Variants in AHCTF1 observed in about 807,000 individuals in gnomAD.
The protein encoded by AHCTF1 is AT-hook containing transcription factor 1, also known as protein ELYS.
In AHCTF1, 24 loss-of-function variants were observed where a neutral mutation model predicts 248.4. The ratio of observed to expected loss-of-function variants is 0.10; its 90% CI spans 0.07 to 0.14. The LOEUF is 0.14. Ranked by LOEUF, AHCTF1 falls within the 10% of genes least tolerant of loss-of-function variation. The pLI, the probability that AHCTF1 is intolerant of heterozygous loss-of-function variation, is 1.00. For missense variants in AHCTF1, 2,206 were observed against 2,636.2 expected (o/e 0.84, Z 3.57); for synonymous variants, 786 against 929.8 (o/e 0.85, Z 2.81).
At chr1:246,903,797 C>G in intron 7 of AHCTF1, 152 bp downstream of exon 7, 1 of 603,396 alleles carries the variant, frequency 1.7e-6, no homozygotes, top group Admixed American at 3.1e-5. Flanking sequence ...AAGATTGCAC[C>G]ACTGCACTCC....
At position 246,855,803 on chromosome 1, in the gene AHCTF1, C is replaced by T; in HGVS notation, c.4281G>A (p.Lys1427=). 6.2e-7 allele frequency: 1 copy of T among 1,613,014 alleles called. No individual in the cohort carries two copies. Among genetic ancestry groups the T allele is most frequent in the Non-Finnish European group, 8.5e-7 (1 of 1,179,514 alleles). ...TTAATCCTTCGTCCAACACTGGTACCTTGGACTTCTGGGTGAAGATTTTCC... is the reference window on the plus strand; with the variant it reads ...TTAATCCTTCGTCCAACACTGGTACTTTGGACTTCTGGGTGAAGATTTTCC... The part of the protein sequence containing the change: ...YEGKIFTQKS[K]VPVLDEGLTS... The change falls in exon 31 of 36, where the codon AAG becomes AAA. Residue 1427 remains lysine, a synonymous_variant. Transcript: ENST00000648844.
At position 246,850,690 on chromosome 1, in the gene AHCTF1, G is replaced by A. The variant is rs754779208; in HGVS notation, c.5316C>T (p.Val1772=). ...CTTTTGCCTTCCTAGTTTTCTTCCTGACTGACTGCCCTGGCATCTTAGGAG... is the reference window on the plus strand; with the variant it reads ...CTTTTGCCTTCCTAGTTTTCTTCCTAACTGACTGCCCTGGCATCTTAGGAG... The part of the protein sequence containing the change: ...VATPKMPGQS[V]RKKTRKAKEI... Residue 1772 remains valine, a synonymous_variant, in exon 33 of 36, where the codon GTC becomes GTT. Transcript: ENST00000648844. 11 of 1,613,814 alleles carry A rather than the reference G, an allele frequency of 6.8e-6. No individual in the cohort carries two copies. In the East Asian group the frequency reaches 2.5e-4, roughly 36 times the overall value.
At chr1:246,885,820 G>C (rs1403149967) in intron 20 of AHCTF1, 140 bp from the exon 21 acceptor site, 7 of 776,238 alleles carry the variant, frequency 9.0e-6, no homozygotes, top group Non-Finnish European at 1.4e-5. Context: ...TTTAATCTGT[G>C]CTATATAGAG....
chr1:246,874,002 C>T (rs929421158), intron 24 of AHCTF1, among the ~76,000 whole-genome samples: 1 of 152,308 alleles, frequency 6.6e-6, no homozygotes, highest in South Asian at 2.1e-4. Flanking sequence ...TACCCGCTTG[C>T]TGCTTCTGAC....
At chr1:246,881,969 C>T (rs1278736616) in intron 21 of AHCTF1, among the ~76,000 whole-genome samples, 4 of 150,502 alleles carry the variant, frequency 2.7e-5, no homozygotes, top group African/African-American at 7.3e-5. Flanking sequence ...CATGAGCCAC[C>T]GTGCCTGGCC....
chr1:246,877,045 C>T lies in AHCTF1; in HGVS notation c.2842G>A (p.Val948Ile), dbSNP rs200701729. Reference sequence around the variant, plus strand: ...ACTAAAAGGAATTCATGATTCTGAACGCTGGCACTGGACTGCAAAAATTTC... The same window carrying T: ...ACTAAAAGGAATTCATGATTCTGAATGCTGGCACTGGACTGCAAAAATTTC... The part of the protein sequence containing the change: ...LVKFLQSSAS[V>I]QNHEFLLVHH... Residue 948 changes from valine (V) to isoleucine (I), a missense_variant, in exon 23 of 36, where the codon GTT becomes ATT. Val to Ile is a conservative substitution (Grantham distance 29, BLOSUM62 3). Coordinates refer to ENST00000648844, the MANE Select transcript of AHCTF1 (RefSeq NM_001323342.2). 133 of 1,612,034 alleles carry T rather than the reference C, an allele frequency of 8.3e-5. 1 individual carries two copies. Among genetic ancestry groups the T allele is most frequent in the African/African-American group, 8.0e-5 (6 of 74,852 alleles).
At chr1:246,899,378 C>T in intron 11 of AHCTF1, 73 bp downstream of exon 11, 1 of 1,309,084 alleles carries the variant, frequency 7.6e-7, no homozygotes, top group African/African-American at 1.5e-5. Flanking sequence ...CTAAGTAAAA[C>T]TTAAATCCAT....
chr1:246,897,185 C>T (rs376196185), intron 12 of AHCTF1, among the ~76,000 whole-genome samples: 20 of 152,036 alleles, frequency 1.3e-4, no homozygotes, highest in African/African-American at 4.3e-4. Context: ...TGGTGGCACA[C>T]GCCTCTAGTT....
intron 7 of AHCTF1, 98 bp downstream of exon 7, chr1:246,903,851 A>C (rs1665191571): frequency 9.5e-7 from 1 of 1,051,816 alleles, no homozygotes. Flanking sequence ...AAAAAAAAAA[A>C]AAAGAATCAC....
chr1:246,920,928 A>C (rs969806824), intron 1 of AHCTF1, among the ~76,000 whole-genome samples: 1 of 150,982 alleles, frequency 6.6e-6, no homozygotes, highest in Non-Finnish European at 1.5e-5. Context: ...TCTACTAATA[A>C]TACCAAAAAA....
intron 24 of AHCTF1, among the ~76,000 whole-genome samples, chr1:246,868,742 C>T (rs1050242350): frequency 2.0e-5 from 3 of 150,652 alleles, no homozygotes; most frequent in African/African-American, 7.5e-5. Flanking sequence ...GAAAGGCTTA[C>T]ATTTCTTGGG....
At chr1:246,886,938 T>A (rs1663858413) in intron 20 of AHCTF1, among the ~76,000 whole-genome samples, 1 of 152,138 alleles carries the variant, frequency 6.6e-6, no homozygotes, top group Non-Finnish European at 1.5e-5. Flanking sequence ...ACCCCAAACA[T>A]CTCTCTAATA....
At chr1:246,890,161 G>A (rs761318779) in intron 16 of AHCTF1, 102 bp from the exon 17 acceptor site, 24 of 802,500 alleles carry the variant, frequency 3.0e-5, no homozygotes, top group Non-Finnish European at 4.1e-5. Flanking sequence ...AGCAACCCCT[G>A]GTTAACCCAC....
intron 7 of AHCTF1, among the ~76,000 whole-genome samples, chr1:246,903,499 A>G (rs1316195954): frequency 1.3e-5 from 2 of 152,156 alleles, no homozygotes; most frequent in Non-Finnish European, 2.9e-5. Flanking sequence ...AATTACTTCT[A>G]CTACATTATG....
intron 25 of AHCTF1, 99 bp downstream of exon 25, chr1:246,867,562 A>T (rs1428327618): frequency 6.9e-7 from 1 of 1,444,748 alleles, no homozygotes; most frequent in African/African-American, 1.4e-5. Flanking sequence ...TACATACACT[A>T]ATAAACTTAG....
chr1:246,929,319 G>A (rs1435267746), intron 1 of AHCTF1, among the ~76,000 whole-genome samples: 2 of 152,212 alleles, frequency 1.3e-5, no homozygotes, highest in African/African-American at 4.8e-5. Context: ...TGAGGCACAA[G>A]AATCGCTTGA....
chr1:246,883,695 C>A (rs927879039), intron 21 of AHCTF1, among the ~76,000 whole-genome samples: 7 of 152,192 alleles, frequency 4.6e-5, no homozygotes, highest in Non-Finnish European at 4.4e-5. Flanking sequence ...AATCTGAATA[C>A]AAGCTATCTC....
At chr1:246,869,001 T>A (rs1779981) in intron 24 of AHCTF1, among the ~76,000 whole-genome samples, 3 of 150,898 alleles carry the variant, frequency 2.0e-5, no homozygotes, top group Non-Finnish European at 4.4e-5. Flanking sequence ...CCCGCCACCA[T>A]GCCTGGCTAA....
intron 6 of AHCTF1, 49 bp downstream of exon 6, chr1:246,905,490 CTG>C (rs1558266106): frequency 6.9e-6 from 10 of 1,457,982 alleles, no homozygotes; most frequent in Non-Finnish European, 9.6e-6. Context: ...GAGCGAGACT[CTG>C]TCTCCAAAAA....
Sources: gnomAD v4.1 joint callset for allele counts (sites outside exome capture counted in the v4.1 genomes callset) on GRCh38, gnomAD v4.1.1 for gene constraint, MANE v1.5 for transcripts, NCBI Gene and HGNC (gene_info 2026-07-23, HGNC 2026-07-21) for gene names.